Variants in ARHGAP15 observed in about 807,000 individuals in gnomAD.
The protein encoded by ARHGAP15 is rho GTPase-activating protein 15.
Under a neutral mutation model 63.7 loss-of-function variants are expected in ARHGAP15, and 51 were observed. The observed-to-expected ratio is 0.80, with a 90% CI of 0.64 to 1.01. The LOEUF is 1.01. Ranked by LOEUF, ARHGAP15 falls within the 50% of genes least tolerant of loss-of-function variation. The pLI is 0.00. For missense variants in ARHGAP15, 560 were observed against 564.6 expected, an observed-to-expected ratio of 0.99 and a Z score of 0.08; for synonymous variants, 191 against 193.8, an observed-to-expected ratio of 0.99 and a Z score of 0.12.
intron 8 of ARHGAP15, among the ~76,000 whole-genome samples, chr2:143,447,606 G>C (rs960521098): frequency 3.3e-5 from 5 of 152,154 alleles, no homozygotes; most frequent in African/African-American, 1.2e-4. Context: ...CAAGTGCCTG[G>C]AGGTATAAGC....
chr2:143,490,708 T>C (rs182531989), intron 9 of ARHGAP15, among the ~76,000 whole-genome samples: 16 of 152,238 alleles, frequency 1.1e-4, no homozygotes, highest in African/African-American at 3.9e-4. Flanking sequence ...GCAACCTCTG[T>C]GTCCCAGGTT....
intron 6 of ARHGAP15, among the ~76,000 whole-genome samples, chr2:143,291,764 C>A (rs1031519067): frequency 6.8e-4 from 104 of 152,126 alleles, no homozygotes; most frequent in African/African-American, 2.4e-3. Flanking sequence ...GAGGTTTGAA[C>A]CTTGCCCCTC....
At chr2:143,638,657 AAAAT>A (rs199864879) in intron 12 of ARHGAP15, among the ~76,000 whole-genome samples, 43,921 of 133,742 alleles carry the variant, frequency 0.33, 8,530 homozygotes, top group East Asian at 0.7. Context: ...ATAATAATAA[AAAAT>A]AAATAAATAA....
intron 13 of ARHGAP15, among the ~76,000 whole-genome samples, chr2:143,743,124 A>T (rs1478709237): frequency 1.3e-5 from 2 of 152,342 alleles, no homozygotes; most frequent in Non-Finnish European, 2.9e-5. Context: ...GAGGACAGAT[A>T]GGCAGCGGGA....
intron 1 of ARHGAP15, among the ~76,000 whole-genome samples, chr2:143,134,618 G>C (rs1689056232): frequency 6.8e-6 from 1 of 148,020 alleles, no homozygotes; most frequent in South Asian, 2.1e-4. Flanking sequence ...TATATGAAAT[G>C]CTGTATTCCT....
intron 6 of ARHGAP15, among the ~76,000 whole-genome samples, chr2:143,302,348 C>T (rs541965106): frequency 2.5e-4 from 38 of 151,970 alleles, no homozygotes; most frequent in Middle Eastern, 3.4e-3. Flanking sequence ...TTACTTTCTC[C>T]CCAAGTTAAT....
chr2:143,691,293 G>A (rs551476692), intron 12 of ARHGAP15, among the ~76,000 whole-genome samples: 1 of 152,140 alleles, frequency 6.6e-6, no homozygotes, highest in Non-Finnish European at 1.5e-5. Flanking sequence ...AGCAGGAAAT[G>A]GGGTGTCACT....
chr2:143,346,220 TCACACACA>T (rs1553467292), intron 6 of ARHGAP15, among the ~76,000 whole-genome samples: 36 of 125,010 alleles, frequency 2.9e-4, no homozygotes, highest in Admixed American at 3.3e-4. Context: ...ACACTCTCTC[TCACACACA>T]CTCTCTCTCA....
intron 12 of ARHGAP15, among the ~76,000 whole-genome samples, chr2:143,684,235 T>C (rs1031152166): frequency 1.3e-5 from 2 of 152,156 alleles, no homozygotes; most frequent in African/African-American, 4.8e-5. Context: ...AGGTAAATCA[T>C]CCACTACACA....
At chr2:143,746,689 A>G (rs916558278) in intron 13 of ARHGAP15, among the ~76,000 whole-genome samples, 3 of 152,240 alleles carry the variant, frequency 2.0e-5, no homozygotes, top group African/African-American at 7.2e-5. Flanking sequence ...AATCTAATTG[A>G]GAGAGTAAAA....
intron 11 of ARHGAP15, among the ~76,000 whole-genome samples, chr2:143,559,862 G>C (rs1242537064): frequency 6.6e-6 from 1 of 152,344 alleles, no homozygotes; most frequent in African/African-American, 2.4e-5. Context: ...TGCAGTCTAA[G>C]CTGAAACATA....
chr2:143,259,121 C>T (rs1428664387), intron 6 of ARHGAP15, among the ~76,000 whole-genome samples: 1 of 151,742 alleles, frequency 6.6e-6, no homozygotes, highest in East Asian at 1.9e-4. Context: ...TTGAGATCTG[C>T]GATAGATTTG....
At chr2:143,281,398 G>A (rs1409343665) in intron 6 of ARHGAP15, among the ~76,000 whole-genome samples, 1 of 152,078 alleles carries the variant, frequency 6.6e-6, no homozygotes, top group African/African-American at 2.4e-5. Context: ...AGCAAGATGA[G>A]TTTTATATTA....
At chr2:143,431,130 C>T (rs1377543275) in intron 6 of ARHGAP15, among the ~76,000 whole-genome samples, 2 of 151,938 alleles carry the variant, frequency 1.3e-5, no homozygotes, top group African/African-American at 4.8e-5. Flanking sequence ...CTATCTTTAG[C>T]CTAACTGCAA....
intron 12 of ARHGAP15, among the ~76,000 whole-genome samples, chr2:143,690,749 T>C (rs1176735476): frequency 1.3e-5 from 2 of 152,028 alleles, no homozygotes; most frequent in Non-Finnish European, 2.9e-5. Context: ...GGTAAGGAGG[T>C]GTGCGAATGG....
chr2:143,138,595 T>C (rs1175804198), intron 1 of ARHGAP15, among the ~76,000 whole-genome samples: 2 of 152,110 alleles, frequency 1.3e-5, no homozygotes, highest in Non-Finnish European at 2.9e-5. Flanking sequence ...TTTGCCTTGG[T>C]TTTTGCCATA....
At chr2:143,700,983 A>G (rs1467097298) in intron 12 of ARHGAP15, among the ~76,000 whole-genome samples, 1 of 152,086 alleles carries the variant, frequency 6.6e-6, no homozygotes, top group East Asian at 1.9e-4. Flanking sequence ...ATGATGTTGC[A>G]ACTTTCTTTT....
chr2:143,161,544 T>C (rs1423582355), intron 2 of ARHGAP15, among the ~76,000 whole-genome samples: 2 of 151,938 alleles, frequency 1.3e-5, no homozygotes, highest in East Asian at 1.9e-4. Context: ...AGCTGAGTAC[T>C]GCGTGCCTCA....
intron 12 of ARHGAP15, among the ~76,000 whole-genome samples, chr2:143,700,339 T>A (rs936632258): frequency 6.6e-6 from 1 of 152,180 alleles, no homozygotes; most frequent in Non-Finnish European, 1.5e-5. Context: ...AACCCCACCC[T>A]GACTGGATCA....
Sources: allele counts gnomAD v4.1 joint callset (sites outside exome capture counted in the v4.1 genomes callset), GRCh38; gene constraint gnomAD v4.1.1; transcripts MANE v1.5; gene names NCBI Gene and HGNC (gene_info 2026-07-23, HGNC 2026-07-21).